The following PTPRT variants were observed in gnomAD, a reference collection of about 807,000 sequenced individuals.
The protein encoded by PTPRT is receptor-type tyrosine-protein phosphatase T.
Under a neutral mutation model 176.8 loss-of-function variants are expected in PTPRT, and 56 were observed. The observed-to-expected ratio is 0.32, with a 90% CI of 0.26 to 0.40. PTPRT has a LOEUF of 0.40. Among genes scored for constraint, PTPRT ranks in the 10% least tolerant of loss-of-function variants. The pLI, the probability that PTPRT is intolerant of heterozygous loss-of-function variation, is 1.00. For missense variants in PTPRT, 1,540 were observed against 1,908.2 expected, an observed-to-expected ratio of 0.81 and a Z score of 3.60; for synonymous variants, 783 against 739.0, an observed-to-expected ratio of 1.06 and a Z score of -0.96.
intron 1 of PTPRT, among the ~76,000 whole-genome samples, chr20:43,061,472 C>T (rs1987457222): frequency 6.6e-6 from 1 of 152,186 alleles, no homozygotes; most frequent in Admixed American, 6.5e-5. Context: ...TCTTCAAAAT[C>T]TCCTTGGACC....
chr20:43,157,882 T>C (rs1236516205), intron 1 of PTPRT, among the ~76,000 whole-genome samples: 1 of 152,100 alleles, frequency 6.6e-6, no homozygotes, highest in East Asian at 1.9e-4. Context: ...AGGGACTAAA[T>C]AGTCATGGGC....
At chr20:42,902,064 T>C (rs1417598587) in intron 1 of PTPRT, among the ~76,000 whole-genome samples, 1 of 152,150 alleles carries the variant, frequency 6.6e-6, no homozygotes, top group African/African-American at 2.4e-5. Flanking sequence ...GGCAATCTAA[T>C]AGCTGTCACC....
chr20:42,906,629 T>A (rs2145925721), intron 1 of PTPRT, among the ~76,000 whole-genome samples: 1 of 152,274 alleles, frequency 6.6e-6, no homozygotes, highest in East Asian at 1.9e-4. Flanking sequence ...CATCCCTAGA[T>A]GCTGCTGTGA....
At chr20:42,788,161 A>T (rs1427897800) in intron 3 of PTPRT, among the ~76,000 whole-genome samples, 1 of 152,060 alleles carries the variant, frequency 6.6e-6, no homozygotes, top group East Asian at 1.9e-4. Flanking sequence ...ACTTTCATTC[A>T]TAGGTTCCTG....
chr20:42,720,822 C>T (rs572059557), intron 6 of PTPRT, among the ~76,000 whole-genome samples: 36 of 152,252 alleles, frequency 2.4e-4, no homozygotes, highest in African/African-American at 7.2e-4. Context: ...AATAATGTGT[C>T]GCAGGCATTT....
At chr20:42,115,387 A>G in intron 21 of PTPRT, 72 bp from the exon 22 acceptor site, 1 of 1,157,082 alleles carries the variant, frequency 8.6e-7, no homozygotes, top group Non-Finnish European at 1.3e-6. Context: ...GCTGAGTGTG[A>G]GCAGCTGTCT....
chr20:42,532,985 T>G (rs550537705), intron 7 of PTPRT, among the ~76,000 whole-genome samples: 1 of 152,188 alleles, frequency 6.6e-6, no homozygotes, highest in South Asian at 2.1e-4. Context: ...CAGGGAGAGT[T>G]ATGGGAGCCC....
chr20:42,054,810 A>G, the PTPRT span, among the ~76,000 whole-genome samples: 1 of 152,202 alleles, frequency 6.6e-6, no homozygotes, highest in South Asian at 2.1e-4. Context: ...CCTCTAAGGC[A>G]GTGGCCATAA....
At chr20:42,695,099 A>G (rs2075853954) in intron 6 of PTPRT, among the ~76,000 whole-genome samples, 1 of 152,180 alleles carries the variant, frequency 6.6e-6, no homozygotes, top group Admixed American at 6.5e-5. Flanking sequence ...TTGAGTTTTA[A>G]GAATTCTTGA....
chr20:42,818,999 C>T (rs2145647276), intron 2 of PTPRT, among the ~76,000 whole-genome samples: 1 of 152,306 alleles, frequency 6.6e-6, no homozygotes, highest in Non-Finnish European at 1.5e-5. Flanking sequence ...TCCAGGAGAA[C>T]TGCCCCAACC....
In PTPRT at chr20:42,248,779, C is replaced by T; in HGVS notation, c.2220G>A (p.Gln740=). Residue 740 remains glutamine (Q), a synonymous_variant, in exon 14 of 31, where the codon CAG becomes CAA. Coordinates refer to ENST00000373187, the MANE Select transcript of PTPRT (RefSeq NM_007050.6). The part of the protein sequence containing the change: ...QNSNTVEPEK[Q]VDNTVKMAGV... ...CAGCCATCTTCACGGTGTTGTCCAC[C>T]TGCTTCTCTGGCTCCACAGTGTTAG... 3 of 1,614,096 alleles carry T rather than the reference C, an allele frequency of 1.9e-6. No homozygotes were observed. Among genetic ancestry groups the T allele is most frequent in the Non-Finnish European group, 2.5e-6 (3 of 1,179,984 alleles).
At chr20:42,838,867 C>A (rs2078227664) in intron 2 of PTPRT, among the ~76,000 whole-genome samples, 1 of 152,140 alleles carries the variant, frequency 6.6e-6, no homozygotes, top group South Asian at 2.1e-4. Context: ...CCTAGGGGAA[C>A]CTCTGGGGAG....
chr20:42,701,012 G>T (rs1175069094), intron 6 of PTPRT, among the ~76,000 whole-genome samples: 2 of 152,120 alleles, frequency 1.3e-5, no homozygotes, highest in Non-Finnish European at 2.9e-5. Flanking sequence ...TTTGAAAGCC[G>T]CCACAAGGCT....
chr20:42,650,564 C>T (rs1397695661), intron 7 of PTPRT, among the ~76,000 whole-genome samples: 1 of 152,154 alleles, frequency 6.6e-6, no homozygotes, highest in Non-Finnish European at 1.5e-5. Flanking sequence ...CAATCATCAC[C>T]TTGACAGTTA....
chr20:42,580,314 G>T (rs1220285468), intron 7 of PTPRT, among the ~76,000 whole-genome samples: 3 of 152,100 alleles, frequency 2.0e-5, no homozygotes, highest in Admixed American at 1.3e-4. Context: ...TAGCCTTGTA[G>T]TATAGTTTGA....
intron 1 of PTPRT, among the ~76,000 whole-genome samples, chr20:42,913,185 C>A (rs1421192332): frequency 6.6e-6 from 1 of 152,154 alleles, no homozygotes; most frequent in Non-Finnish European, 1.5e-5. Context: ...ATATCCATTT[C>A]TGAGGAGTGT....
chr20:42,662,056 G>A (rs2075232985), intron 7 of PTPRT, among the ~76,000 whole-genome samples: 1 of 152,176 alleles, frequency 6.6e-6, no homozygotes, highest in Admixed American at 6.5e-5. Flanking sequence ...TCATGGCAAT[G>A]AGGATTTTTG....
intron 16 of PTPRT, among the ~76,000 whole-genome samples, chr20:42,182,583 T>A (rs1170118589): frequency 1.3e-5 from 2 of 152,120 alleles, no homozygotes; most frequent in African/African-American, 2.4e-5. Context: ...TGTACATCAG[T>A]GGGAATTTCA....
intron 1 of PTPRT, among the ~76,000 whole-genome samples, chr20:42,979,973 C>T (rs1048596876): frequency 2.6e-4 from 8 of 30,586 alleles, no homozygotes; most frequent in South Asian, 1.3e-3. Context: ...GCAAGTATGC[C>T]GGCCGGGAAG....
Sources: gnomAD v4.1 joint callset for allele counts (sites outside exome capture counted in the v4.1 genomes callset) on GRCh38, gnomAD v4.1.1 for gene constraint, MANE v1.5 for transcripts, NCBI Gene and HGNC (gene_info 2026-07-23, HGNC 2026-07-21) for gene names.